GPR158: variants seen among roughly 807,000 people sequenced by gnomAD.
The protein encoded by GPR158 is G protein-coupled receptor 158.
In GPR158, 30 loss-of-function variants were observed where a neutral mutation model predicts 78.2. The ratio of observed to expected loss-of-function variants is 0.38; its 90% confidence interval spans 0.29 to 0.52. The LOEUF is 0.52. Ranked by LOEUF, GPR158 falls within the 20% of genes least tolerant of loss-of-function variation. GPR158 has a pLI of 0.83. For missense variants in GPR158, 1,463 were observed against 1,523.5 expected (o/e 0.96, Z 0.66); for synonymous variants, 581 against 591.1 (o/e 0.98, Z 0.25).
At chr10:25,395,645 C>T (rs953987410) in intron 2 of GPR158, among the ~76,000 whole-genome samples, 7 of 152,028 alleles carry the variant, frequency 4.6e-5, no homozygotes, top group Non-Finnish European at 1.0e-4. Context: ...AAAACTATGT[C>T]TAGTAATTAA....
intron 2 of GPR158, among the ~76,000 whole-genome samples, chr10:25,360,299 G>A (rs944110046): frequency 2.0e-5 from 3 of 152,044 alleles, no homozygotes; most frequent in Non-Finnish European, 2.9e-5. Context: ...CATTGCTTTT[G>A]GTGTTTTAGT....
rs142599472 is a variant in GPR158, at chr10:25,400,910, G to A, written c.1111+4897G>A. 5.5e-3 allele frequency among the ~76,000 whole-genome samples: 829 copies of A among 152,100 alleles called. 11 individuals carry two copies. Among genetic ancestry groups the A allele is most frequent in the African/African-American group, 0.019 (797 of 41,494 alleles). ...TGCTATTGATATGAGAAGATGCGAC[G>A]GGAGGAAAAAAGACAACAAAGTAAT... On this transcript the variant is annotated intron_variant, in intron 3 of 10. Transcript: ENST00000376351.
chr10:25,270,589 C>T (rs370190177), intron 2 of GPR158, among the ~76,000 whole-genome samples: 86 of 152,260 alleles, frequency 5.6e-4, no homozygotes, highest in South Asian at 3.1e-3. Context: ...CTGCTCCAAC[C>T]GAGTCCTCCT....
At chr10:25,305,218 C>G (rs1854654045) in intron 2 of GPR158, among the ~76,000 whole-genome samples, 1 of 152,228 alleles carries the variant, frequency 6.6e-6, no homozygotes, top group Non-Finnish European at 1.5e-5. Flanking sequence ...GATGGCAAAT[C>G]TGTTCCAGTT....
intron 5 of GPR158, among the ~76,000 whole-genome samples, chr10:25,540,986 T>A (rs985800652): frequency 2.0e-5 from 3 of 146,670 alleles, no homozygotes; most frequent in Non-Finnish European, 4.5e-5. Flanking sequence ...ATAAAGTTTA[T>A]CTAAAACCTA....
chr10:25,409,905 C>G (rs942269396), intron 3 of GPR158, among the ~76,000 whole-genome samples: 2 of 152,206 alleles, frequency 1.3e-5, no homozygotes, highest in African/African-American at 2.4e-5. Flanking sequence ...AAATACTATT[C>G]TATCTTATTA....
intron 5 of GPR158, among the ~76,000 whole-genome samples, chr10:25,514,445 T>A (rs1049417509): frequency 8.5e-5 from 13 of 152,134 alleles, no homozygotes; most frequent in Non-Finnish European, 1.5e-5. Flanking sequence ...AGCAGTTACT[T>A]GGTTGGTGAA....
chr10:25,545,923 TAAAC>T (rs1247166670), intron 5 of GPR158, among the ~76,000 whole-genome samples: 3 of 152,104 alleles, frequency 2.0e-5, no homozygotes, highest in Non-Finnish European at 4.4e-5. Context: ...GTAGCTACAT[TAAAC>T]AAATGAATTA....
chr10:25,457,442 C>CT (rs34488146), intron 4 of GPR158, among the ~76,000 whole-genome samples: 22,575 of 150,320 alleles, frequency 0.15, 1,866 homozygotes, highest in African/African-American at 0.2. Flanking sequence ...CTTCTGTATG[C>CT]TTTTTTTTTC....
chr10:25,253,972 A>G (rs746908423), intron 2 of GPR158, among the ~76,000 whole-genome samples: 24 of 152,250 alleles, frequency 1.6e-4, no homozygotes, highest in Non-Finnish European at 3.4e-4. Flanking sequence ...GTCTCAGTCT[A>G]ACATAATTAG....
chr10:25,561,939 T>C (rs974253776), intron 6 of GPR158, among the ~76,000 whole-genome samples: 4 of 151,704 alleles, frequency 2.6e-5, no homozygotes, highest in Non-Finnish European at 5.9e-5. Flanking sequence ...ATCTCACATA[T>C]GGGAGGAGAA....
intron 2 of GPR158, among the ~76,000 whole-genome samples, chr10:25,249,091 T>C (rs1486188700): frequency 6.6e-6 from 1 of 151,924 alleles, no homozygotes; most frequent in Non-Finnish European, 1.5e-5. Flanking sequence ...TGAATGGGAG[T>C]TCACTCATGA....
intron 5 of GPR158, among the ~76,000 whole-genome samples, chr10:25,470,703 T>A (rs1284126156): frequency 6.6e-6 from 1 of 152,196 alleles, no homozygotes; most frequent in Non-Finnish European, 1.5e-5. Context: ...AAATGGAGTG[T>A]CATGCATCTT....
intron 2 of GPR158, among the ~76,000 whole-genome samples, chr10:25,251,989 AT>A (rs1489489232): frequency 6.6e-6 from 1 of 151,604 alleles, no homozygotes; most frequent in African/African-American, 2.4e-5. Context: ...ATAGTCCCAT[AT>A]TTCTTGGAGG....
chr10:25,315,630 A>AT (rs139918309), intron 2 of GPR158, among the ~76,000 whole-genome samples: 30,642 of 151,920 alleles, frequency 0.2, 5,210 homozygotes, highest in African/African-American at 0.47. Flanking sequence ...TATTGTTATA[A>AT]TTCTATGTGT....
intron 2 of GPR158, among the ~76,000 whole-genome samples, chr10:25,347,311 CT>C (rs1193515983): frequency 6.6e-6 from 1 of 151,996 alleles, no homozygotes; most frequent in African/African-American, 2.4e-5. Context: ...ACTCACATCT[CT>C]TTCTGACCAC....
At chr10:25,225,006 A>G (rs949768415) in intron 2 of GPR158, among the ~76,000 whole-genome samples, 1 of 152,110 alleles carries the variant, frequency 6.6e-6, no homozygotes, top group African/African-American at 2.4e-5. Flanking sequence ...CACTGAAAAC[A>G]TTTTCAAATA....
In GPR158 at chr10:25,230,507, C is replaced by T. The variant is rs185693081; in HGVS notation, c.1008+9350C>T. 7.2e-5 allele frequency among the ~76,000 whole-genome samples: 11 copies of T among 152,174 alleles called. No homozygotes were observed. The East Asian group carries it at 1.2e-3, about 16-fold the overall frequency. On this transcript the variant is annotated intron_variant, in intron 2 of 10. Transcript: ENST00000376351. The stretch of plus-strand genomic sequence containing the variant: ...ACTCCAGAAGAGAAAATTTGTATTA[C>T]GAAGGACTTTGAAACCTTACTTTTT...
At chr10:25,227,792 T>TA (rs1227373234) in intron 2 of GPR158, among the ~76,000 whole-genome samples, 8 of 152,200 alleles carry the variant, frequency 5.3e-5, no homozygotes, top group Non-Finnish European at 1.0e-4. Flanking sequence ...CTAAATTTTC[T>TA]AGGTGATATG....
Sources: gnomAD v4.1 joint callset for allele counts (sites outside exome capture counted in the v4.1 genomes callset) on GRCh38, gnomAD v4.1.1 for gene constraint, MANE v1.5 for transcripts, NCBI Gene and HGNC (gene_info 2026-07-23, HGNC 2026-07-21) for gene names.